Variants in GOT2 observed in about 807,000 individuals in gnomAD.
The protein encoded by GOT2 is glutamic-oxaloacetic transaminase 2.
A neutral mutation model predicts 50.0 loss-of-function variants in GOT2; 17 were observed. The observed-to-expected ratio is 0.34, with a 90% CI of 0.23 to 0.51. The LOEUF (loss-of-function observed/expected upper bound fraction) is 0.51. Among genes scored for constraint, GOT2 ranks in the 20% least tolerant of loss-of-function variants. The pLI, the probability that GOT2 is intolerant of heterozygous loss-of-function variation, is 0.97. For missense variants in GOT2, 430 were observed against 559.6 expected, an observed-to-expected ratio of 0.77 and a Z score of 2.34; for synonymous variants, 172 against 204.9, an observed-to-expected ratio of 0.84 and a Z score of 1.37.
chr16:58,718,026 C>T lies in GOT2; in HGVS notation c.702+170G>A, dbSNP rs113019477. Among the ~76,000 whole-genome samples the T allele has an allele frequency of 1.6e-4, 25 of 152,360 alleles. 2 individuals carry two copies. The highest frequency in any genetic ancestry group is 5.8e-4 in the African/African-American group (24 of 41,590). ...TCAAATACTCATGCGTCATCAATCC[C>T]AGAACTGCTAATCACGCAAATGGGG... On this transcript the variant is annotated intron_variant, in intron 6 of 9. Coordinates refer to ENST00000245206, the MANE Select transcript of GOT2 (RefSeq NM_002080.4).
intron 8 of GOT2, among the ~76,000 whole-genome samples, chr16:58,710,511 C>T (rs1037836310): frequency 1.3e-5 from 2 of 150,986 alleles, no homozygotes; most frequent in Admixed American, 1.3e-4. Context: ...GGATTACAGA[C>T]ATAAGCCTGG....
chr16:58,716,584 A>AT, intron 7 of GOT2, 79 bp downstream of exon 7: 1 of 1,204,412 alleles, frequency 8.3e-7, no homozygotes, highest in East Asian at 2.4e-5. Flanking sequence ...ACACACACAC[A>AT]CACACCCACA....
intron 1 of GOT2, among the ~76,000 whole-genome samples, chr16:58,727,389 A>C (rs1378526039): frequency 6.6e-6 from 1 of 151,752 alleles, no homozygotes; most frequent in Admixed American, 6.6e-5. Context: ...TTAAAAAAAG[A>C]AAAAACTGTG....
At chr16:58,726,499 A>ATTTATTTAT (rs1382272401) in intron 1 of GOT2, among the ~76,000 whole-genome samples, 2 of 143,556 alleles carry the variant, frequency 1.4e-5, no homozygotes, top group African/African-American at 5.2e-5. Context: ...TTATTTATTT[A>ATTTATTTAT]TTTATTTATT....
At position 58,714,575 on chromosome 16, in the gene GOT2, G is replaced by A. The variant is rs537137431; in HGVS notation, c.1019+1439C>T. On this transcript the variant is annotated intron_variant, in intron 8 of 9. Coordinates refer to ENST00000245206, the MANE Select transcript of GOT2 (RefSeq NM_002080.4). ...TCAAAAAAAAAAAAAAAAATTAGCT[G>A]GGTCTCGTTGTGCACACCTGTGATC... Among the ~76,000 whole-genome samples the A allele has an allele frequency of 5.7e-3, 857 of 150,860 alleles. 5 individuals carry two copies. Among genetic ancestry groups the A allele is most frequent in the Non-Finnish European group, 9.2e-3 (625 of 67,834 alleles).
At chr16:58,725,528 TACAG>T (rs1350507768) in intron 1 of GOT2, among the ~76,000 whole-genome samples, 3 of 152,238 alleles carry the variant, frequency 2.0e-5, no homozygotes, top group Non-Finnish European at 2.9e-5. Context: ...TAAGATAGAC[TACAG>T]ACACATTGAT....
intron 1 of GOT2, among the ~76,000 whole-genome samples, chr16:58,732,366 G>A (rs1339594416): frequency 6.6e-6 from 1 of 152,108 alleles, no homozygotes; most frequent in Non-Finnish European, 1.5e-5. Flanking sequence ...GTTCCCCTGT[G>A]TAAGATTAGT....
chr16:58,725,066 C>A (rs2044772225), intron 1 of GOT2, among the ~76,000 whole-genome samples: 1 of 151,316 alleles, frequency 6.6e-6, no homozygotes, highest in South Asian at 2.1e-4. Context: ...TTTGGGAGAA[C>A]AGTAATTGTA....
chr16:58,728,462 T>C (rs1177319864), intron 1 of GOT2, among the ~76,000 whole-genome samples: 1 of 152,170 alleles, frequency 6.6e-6, no homozygotes, highest in Non-Finnish European at 1.5e-5. Context: ...TTATTATCAC[T>C]CCACTTTTAT....
chr16:58,716,003 T>G lies in GOT2; in HGVS notation c.1019+11A>C. Reference sequence around the variant, plus strand: ...ACAGGTAGGTGGCTGGGGAGTGGCATAAACCTTTACCATTGTTTTCGCAAA... The same window carrying G: ...ACAGGTAGGTGGCTGGGGAGTGGCAGAAACCTTTACCATTGTTTTCGCAAA... On this transcript the variant is annotated intron_variant, in intron 8 of 9. Coordinates refer to ENST00000245206, the MANE Select transcript of GOT2 (RefSeq NM_002080.4). 1 of 1,603,958 alleles carries G rather than the reference T, an allele frequency of 6.2e-7. No homozygotes were observed. Among genetic ancestry groups the G allele is most frequent in the Non-Finnish European group, 8.5e-7 (1 of 1,176,250 alleles).
At chr16:58,728,538 T>C (rs1391061364) in intron 1 of GOT2, among the ~76,000 whole-genome samples, 2 of 152,256 alleles carry the variant, frequency 1.3e-5, no homozygotes, top group Admixed American at 6.5e-5. Context: ...TCAAGGAGCA[T>C]ATGCAGCCGT....
chr16:58,720,190 G>A (rs190473), intron 3 of GOT2, among the ~76,000 whole-genome samples: 76,793 of 151,978 alleles, frequency 0.51, 20,663 homozygotes, highest in Middle Eastern at 0.77. Flanking sequence ...CAACAAGAGC[G>A]AAATTCCATC....
At chr16:58,721,877 T>C in intron 3 of GOT2, 1 of 227,794 alleles carries the variant, frequency 4.4e-6, no homozygotes, top group Non-Finnish European at 8.7e-6. Flanking sequence ...GCCTTCCAGG[T>C]TCAAGTGATT....
chr16:58,716,837 G>A, intron 6 of GOT2, 24 bp from the exon 7 acceptor site: 1 of 1,612,112 alleles, frequency 6.2e-7, no homozygotes, highest in East Asian at 2.2e-5. Context: ...AAAGATCGAA[G>A]CTTTAGCAGT....
At chr16:58,722,622 G>A (rs916858238) in intron 2 of GOT2, among the ~76,000 whole-genome samples, 4 of 151,962 alleles carry the variant, frequency 2.6e-5, no homozygotes, top group African/African-American at 7.2e-5. Flanking sequence ...CACCTGCCTC[G>A]GCCTCCTAAA....
At chr16:58,725,615 T>A (rs1387373421) in intron 1 of GOT2, among the ~76,000 whole-genome samples, 1 of 152,254 alleles carries the variant, frequency 6.6e-6, no homozygotes, top group African/African-American at 2.4e-5. Context: ...CTTTGAGTCA[T>A]TAAAATAAAA....
Position 58,708,384 on chromosome 16 carries a change from T to C in GOT2, c.1171-91A>G, listed in dbSNP as rs112333923. 2.8e-5 allele frequency: 35 copies of C among 1,249,736 alleles called. 2 individuals carry two copies. In the African/African-American group the frequency reaches 3.4e-4, roughly 12 times the overall value. 77.4% of individuals were successfully genotyped at this position (1,249,736 alleles called of 1,614,324 possible). ...CACAGTAGCCAACTTACCAACGCTCTATTTCCTCGCTTAAAACCTGTTCCC... is the reference window on the plus strand; with the variant it reads ...CACAGTAGCCAACTTACCAACGCTCCATTTCCTCGCTTAAAACCTGTTCCC... On this transcript the variant is annotated intron_variant, in intron 9 of 9. Transcript: ENST00000245206.
rs1333817877 is a variant in GOT2 at position 58,710,829 on chromosome 16, G to A, written c.1020-1262C>T. On this transcript the variant is annotated intron_variant, in intron 8 of 9. Coordinates refer to ENST00000245206, the MANE Select transcript of GOT2 (RefSeq NM_002080.4). Reference sequence around the variant, plus strand: ...AAAAATACAAAAAAATTAGCCGGGCGTGGCAGCGGGTGCCTGTAGTCTCAG... The same window carrying A: ...AAAAATACAAAAAAATTAGCCGGGCATGGCAGCGGGTGCCTGTAGTCTCAG... Among the ~76,000 whole-genome samples the A allele has an allele frequency of 4.0e-5, 6 of 151,414 alleles. No homozygotes were observed. The South Asian group carries it at 1.3e-3, about 32-fold the overall frequency.
intron 6 of GOT2, 48 bp from the exon 7 acceptor site, chr16:58,716,861 C>G: frequency 6.4e-7 from 1 of 1,560,896 alleles, no homozygotes; most frequent in Non-Finnish European, 8.8e-7. Flanking sequence ...TCTGAAGAGG[C>G]CCCAGATGTT....
Sources: gnomAD v4.1 joint callset for allele counts (sites outside exome capture counted in the v4.1 genomes callset) on GRCh38, gnomAD v4.1.1 for gene constraint, MANE v1.5 for transcripts, NCBI Gene and HGNC (gene_info 2026-07-23, HGNC 2026-07-21) for gene names.